The following KLF13 variants were observed in gnomAD, a reference collection of about 807,000 sequenced individuals.
The protein encoded by KLF13 is Krueppel-like factor 13.
A neutral mutation model predicts 16.7 loss-of-function variants in KLF13; 8 were observed. The ratio of observed to expected loss-of-function variants is 0.48; its 90% CI spans 0.28 to 0.87. KLF13 has a LOEUF of 0.87. Among genes scored for constraint, KLF13 ranks in the 40% least tolerant of loss-of-function variants. The pLI, the probability that KLF13 is intolerant of heterozygous loss-of-function variation, is 0.10. For missense variants in KLF13, 447 were observed against 452.2 expected (o/e 0.99, Z 0.10); for synonymous variants, 245 against 208.4 (o/e 1.18, Z -1.51).
intron 1 of KLF13, among the ~76,000 whole-genome samples, chr15:31,434,334 G>T (rs1429022525): frequency 6.6e-6 from 1 of 152,210 alleles, no homozygotes; most frequent in Non-Finnish European, 1.5e-5. Context: ...CAGTTGGAGA[G>T]CCAGGAAGGT....
intron 1 of KLF13, among the ~76,000 whole-genome samples, chr15:31,328,158 T>C (rs1200806260): frequency 1.3e-5 from 2 of 149,020 alleles, no homozygotes; most frequent in East Asian, 4.1e-4. Context: ...CAGGCGGCAC[T>C]CGTGACGGTG....
intron 2 of KLF13, among the ~76,000 whole-genome samples, chr15:31,396,844 G>C (rs1347605726): frequency 6.6e-6 from 1 of 152,180 alleles, no homozygotes; most frequent in Non-Finnish European, 1.5e-5. Context: ...AAGGAGGTCT[G>C]CTTTGGGAAA....
At chr15:31,383,130 A>G (rs567691396) in intron 1 of KLF13, among the ~76,000 whole-genome samples, 1 of 152,314 alleles carries the variant, frequency 6.6e-6, no homozygotes, top group East Asian at 1.9e-4. Context: ...CAGCAACACA[A>G]GGTGTTTTGG....
chr15:31,394,230 A>C (rs1479002672), intron 2 of KLF13, among the ~76,000 whole-genome samples: 1 of 152,094 alleles, frequency 6.6e-6, no homozygotes, highest in Non-Finnish European at 1.5e-5. Context: ...AAATCCTAAC[A>C]CTTTGGGAGG....
chr15:31,416,452 A>T (rs2040258649), intron 1 of KLF13, among the ~76,000 whole-genome samples: 1 of 152,196 alleles, frequency 6.6e-6, no homozygotes, highest in South Asian at 2.1e-4. Context: ...CACCATGACC[A>T]AGTGATATTT....
chr15:31,407,463 T>C (rs2040143055), downstream of KLF13, among the ~76,000 whole-genome samples: 1 of 152,200 alleles, frequency 6.6e-6, no homozygotes, highest in African/African-American at 2.4e-5. Context: ...AAGGCTTCCT[T>C]CAAGGCTGGA....
At chr15:31,347,112 C>A (rs1595462143) in intron 1 of KLF13, among the ~76,000 whole-genome samples, 1 of 152,166 alleles carries the variant, frequency 6.6e-6, no homozygotes, top group South Asian at 2.1e-4. Flanking sequence ...GCTAGAAGGT[C>A]AAGCAGGGAA....
chr15:31,335,682 C>T (rs1321220148), intron 1 of KLF13, among the ~76,000 whole-genome samples: 1 of 152,164 alleles, frequency 6.6e-6, no homozygotes, highest in Non-Finnish European at 1.5e-5. Flanking sequence ...GGCTGCACTC[C>T]GTGGCCATTG....
intron 1 of KLF13, among the ~76,000 whole-genome samples, chr15:31,342,211 A>C (rs1464245621): frequency 1.3e-5 from 2 of 152,164 alleles, no homozygotes; most frequent in Non-Finnish European, 2.9e-5. Context: ...AGTCTTGGGC[A>C]GTCTTACAGG....
chr15:31,428,630 C>T (rs1168531772), intron 1 of KLF13, among the ~76,000 whole-genome samples: 1 of 151,710 alleles, frequency 6.6e-6, no homozygotes, highest in Non-Finnish European at 1.5e-5. Context: ...CACGGTGAAA[C>T]CCCGTCTCTA....
chr15:31,372,509 C>T lies in KLF13; in HGVS notation c.*210C>T. 1.8e-6 allele frequency: 1 copy of T among 561,756 alleles called. No homozygotes were observed. Among genetic ancestry groups the T allele is most frequent in the Non-Finnish European group, 3.0e-6 (1 of 334,542 alleles). 34.8% of individuals were successfully genotyped at this position (561,756 alleles called of 1,614,324 possible). A position where few individuals can be genotyped will look rare whatever the true frequency, so the allele number is the denominator to read the frequency against. Reference sequence around the variant, plus strand: ...CCACCAAATTGCACAATAGATACACCCACAAAGTTGAGATTCAGCGTTGTT... The same window carrying T: ...CCACCAAATTGCACAATAGATACACTCACAAAGTTGAGATTCAGCGTTGTT... On this transcript the variant is annotated 3_prime_UTR_variant, in exon 2 of 2. Coordinates refer to ENST00000307145, the MANE Select transcript of KLF13 (RefSeq NM_015995.4).
intron 1 of KLF13, among the ~76,000 whole-genome samples, chr15:31,341,464 CTT>C (rs1011138496): frequency 1.4e-5 from 2 of 146,638 alleles, no homozygotes; most frequent in African/African-American, 5.1e-5. Flanking sequence ...GCTGTCTTCT[CTT>C]TTGAAAAGAA....
chr15:31,391,415 G>T (rs916778484), upstream of KLF13, among the ~76,000 whole-genome samples: 3 of 135,934 alleles, frequency 2.2e-5, no homozygotes, highest in Admixed American at 7.2e-5. Flanking sequence ...GGCTGTGGAG[G>T]GGGGATCTCT....
At chr15:31,340,614 C>G (rs2039006520) in intron 1 of KLF13, among the ~76,000 whole-genome samples, 1 of 152,204 alleles carries the variant, frequency 6.6e-6, no homozygotes, top group South Asian at 2.1e-4. Flanking sequence ...AAAACTCGTG[C>G]TGGGCATGGT....
At chr15:31,360,791 G>A (rs776499564) in intron 1 of KLF13, among the ~76,000 whole-genome samples, 1 of 152,150 alleles carries the variant, frequency 6.6e-6, no homozygotes, top group African/African-American at 2.4e-5. Context: ...ATTTTAATTC[G>A]GATGTATTTA....
At chr15:31,348,317 C>G (rs778844580) in intron 1 of KLF13, among the ~76,000 whole-genome samples, 6 of 152,302 alleles carry the variant, frequency 3.9e-5, no homozygotes, top group Middle Eastern at 6.8e-3. Flanking sequence ...GGGCCTGGCT[C>G]TGTCAGCCCA....
At chr15:31,368,696 A>G (rs1036737985) in intron 1 of KLF13, among the ~76,000 whole-genome samples, 2 of 152,142 alleles carry the variant, frequency 1.3e-5, no homozygotes, top group African/African-American at 4.8e-5. Flanking sequence ...TCTACTAAAA[A>G]TATAAAAACT....
chr15:31,414,304 A>G (rs1210060340), intron 1 of KLF13, among the ~76,000 whole-genome samples: 1 of 152,178 alleles, frequency 6.6e-6, no homozygotes, highest in Non-Finnish European at 1.5e-5. Flanking sequence ...TAAAGCAGCA[A>G]TGGAAGAACA....
chr15:31,361,573 A>G (rs1251845021), intron 1 of KLF13, among the ~76,000 whole-genome samples: 2 of 151,960 alleles, frequency 1.3e-5, no homozygotes, highest in Non-Finnish European at 2.9e-5. Context: ...AGGAGAGGGC[A>G]GGGGGAGGAA....
Sources: gnomAD v4.1 joint callset for allele counts (sites outside exome capture counted in the v4.1 genomes callset) on GRCh38, gnomAD v4.1.1 for gene constraint, MANE v1.5 for transcripts, NCBI Gene and HGNC (gene_info 2026-07-23, HGNC 2026-07-21) for gene names.